ERC2: variants seen among roughly 807,000 people sequenced by gnomAD.
The protein encoded by ERC2 is ERC protein 2.
ERC2 carries 42 observed loss-of-function variants against 114.8 expected under a neutral mutation model. That is an observed-to-expected ratio of 0.37 (90% CI 0.29 to 0.47). ERC2 has a LOEUF of 0.47. ERC2 is among the 20% of genes least tolerant of loss of function. ERC2 has a pLI of 0.99. For missense variants in ERC2, 939 were observed against 1,150.7 expected, an observed-to-expected ratio of 0.82 and a Z score of 2.66; for synonymous variants, 454 against 425.5, an observed-to-expected ratio of 1.07 and a Z score of -0.82.
intron 3 of ERC2, among the ~76,000 whole-genome samples, chr3:56,219,999 T>C (rs2049791585): frequency 6.6e-6 from 1 of 152,166 alleles, no homozygotes; most frequent in African/African-American, 2.4e-5. Flanking sequence ...AAAAGCATAA[T>C]AAATTGGTTG....
intron 3 of ERC2, among the ~76,000 whole-genome samples, chr3:56,188,617 C>T (rs544201512): frequency 6.6e-6 from 1 of 152,288 alleles, no homozygotes; most frequent in African/African-American, 2.4e-5. Context: ...CATGGTCTTT[C>T]TTTTGCTGCA....
chr3:55,516,134 A>G (rs62251460), intron 17 of ERC2, among the ~76,000 whole-genome samples: 5,116 of 152,232 alleles, frequency 0.034, 134 homozygotes, highest in Middle Eastern at 0.1. Context: ...AGACTAATTA[A>G]CAACGGTTGG....
chr3:55,944,868 A>G (rs2067030027), intron 13 of ERC2, among the ~76,000 whole-genome samples: 1 of 152,208 alleles, frequency 6.6e-6, no homozygotes, highest in African/African-American at 2.4e-5. Context: ...CCTCAGTCCT[A>G]CTCGTCAACA....
intron 3 of ERC2, among the ~76,000 whole-genome samples, chr3:56,240,206 C>T (rs1325712799): frequency 6.6e-6 from 1 of 152,174 alleles, no homozygotes. Context: ...CCAGCTTCTT[C>T]ACCAGGCCAC....
At chr3:55,649,807 C>T (rs1293158272) in intron 17 of ERC2, among the ~76,000 whole-genome samples, 1 of 152,172 alleles carries the variant, frequency 6.6e-6, no homozygotes, top group East Asian at 1.9e-4. Flanking sequence ...GCTGACACTT[C>T]TGTCAAGCAG....
chr3:55,625,490 G>A (rs1482904237), intron 17 of ERC2, among the ~76,000 whole-genome samples: 2 of 151,760 alleles, frequency 1.3e-5, no homozygotes, highest in Admixed American at 6.6e-5. Flanking sequence ...GGTAGCTCAC[G>A]CCTGTAATCC....
chr3:55,637,335 A>G (rs891278796), intron 17 of ERC2, among the ~76,000 whole-genome samples: 2 of 152,218 alleles, frequency 1.3e-5, no homozygotes, highest in African/African-American at 2.4e-5. Context: ...ATGGAAAGGC[A>G]TGAACCAGAG....
chr3:55,601,174 T>C (rs2058385596), intron 17 of ERC2, among the ~76,000 whole-genome samples: 1 of 152,188 alleles, frequency 6.6e-6, no homozygotes, highest in South Asian at 2.1e-4. Context: ...TAGCTCGCTA[T>C]AACCAGATCA....
intron 14 of ERC2, among the ~76,000 whole-genome samples, chr3:55,765,519 C>T (rs1193755470): frequency 6.6e-6 from 1 of 152,180 alleles, no homozygotes; most frequent in African/African-American, 2.4e-5. Flanking sequence ...GCATGTGCAA[C>T]TATTGTTATG....
rs1392264787 is a variant in ERC2, at chr3:55,668,459, C to T, written c.*39+15335G>A. Among the ~76,000 whole-genome samples, 5 of 152,188 alleles carry T rather than the reference C, an allele frequency of 3.3e-5. No individual in the cohort carries two copies. The South Asian group carries it at 8.3e-4, about 25-fold the overall frequency. ...GTTACACATGGACAAAGGAAGCCTT[C>T]CTTAACGGTTGTGCTCCACTCCAGG... On this transcript the variant is annotated intron_variant, in intron 17 of 17. Transcript: ENST00000288221.
intron 14 of ERC2, among the ~76,000 whole-genome samples, chr3:55,836,436 C>T (rs902217823): frequency 6.6e-6 from 1 of 152,186 alleles, no homozygotes. Flanking sequence ...ACAGAACCCT[C>T]AGAAATAATG....
At chr3:55,997,323 C>A (rs1197833725) in intron 10 of ERC2, among the ~76,000 whole-genome samples, 2 of 151,896 alleles carry the variant, frequency 1.3e-5, no homozygotes, top group Non-Finnish European at 2.9e-5. Flanking sequence ...GGTTTAATGT[C>A]CATTGACAGC....
chr3:56,226,490 A>G (rs1262193857), intron 3 of ERC2, among the ~76,000 whole-genome samples: 1 of 152,124 alleles, frequency 6.6e-6, no homozygotes, highest in Non-Finnish European at 1.5e-5. Flanking sequence ...GGAGTTCAAA[A>G]CTGCAGTGTG....
intron 14 of ERC2, among the ~76,000 whole-genome samples, chr3:55,803,907 T>C (rs1453579094): frequency 6.6e-6 from 1 of 152,174 alleles, no homozygotes; most frequent in Non-Finnish European, 1.5e-5. Flanking sequence ...ATGCCTGCCA[T>C]AGTGACAGAC....
chr3:55,640,821 A>G (rs1383282939), intron 17 of ERC2, among the ~76,000 whole-genome samples: 2 of 152,170 alleles, frequency 1.3e-5, no homozygotes, highest in African/African-American at 4.8e-5. Flanking sequence ...TTGCCTGTTC[A>G]TTACTCAGTA....
intron 15 of ERC2, among the ~76,000 whole-genome samples, chr3:55,729,406 C>T (rs988851092): frequency 2.0e-5 from 3 of 152,170 alleles, no homozygotes; most frequent in Non-Finnish European, 4.4e-5. Flanking sequence ...CCTGTCTACC[C>T]TATTTTAAAT....
In ERC2 at chr3:55,697,041, A is replaced by G. The variant is rs2062969080; in HGVS notation, c.2847+2337T>C. 2.0e-5 allele frequency among the ~76,000 whole-genome samples: 3 copies of G among 152,208 alleles called. No homozygotes were observed. The South Asian group carries it at 6.2e-4, about 31-fold the overall frequency. Reference sequence around the variant, plus strand: ...CCTAATTAAGTTGGAGCTACCTTTTATCTGCCTTGTTCTGATTGACATGAA... The same window carrying G: ...CCTAATTAAGTTGGAGCTACCTTTTGTCTGCCTTGTTCTGATTGACATGAA... On this transcript the variant is annotated intron_variant, in intron 16 of 17. Coordinates refer to ENST00000288221, the MANE Select transcript of ERC2 (RefSeq NM_015576.3).
Position 55,767,603 on chromosome 3 carries a change from G to C in ERC2, c.2565-32685C>G, listed in dbSNP as rs576592169. Among the ~76,000 whole-genome samples the C allele has an allele frequency of 3.3e-5, 5 of 152,238 alleles. No homozygotes were observed. In the South Asian group the frequency reaches 1.0e-3, roughly 32 times the overall value. ...GACCTCTAAGAAGCCCGCCTAATCAGACATGCCCAGGTAGATCAAGACTCA... is the reference window on the plus strand; with the variant it reads ...GACCTCTAAGAAGCCCGCCTAATCACACATGCCCAGGTAGATCAAGACTCA... On this transcript the variant is annotated intron_variant, in intron 14 of 17. Transcript: ENST00000288221.
intron 6 of ERC2, among the ~76,000 whole-genome samples, chr3:56,104,111 C>T (rs1034788104): frequency 3.9e-5 from 6 of 152,054 alleles, no homozygotes; most frequent in African/African-American, 1.4e-4. Context: ...CCATCTTTGT[C>T]GCTATGACTT....
Sources: allele counts gnomAD v4.1 joint callset (sites outside exome capture counted in the v4.1 genomes callset), GRCh38; gene constraint gnomAD v4.1.1; transcripts MANE v1.5; gene names NCBI Gene and HGNC (gene_info 2026-07-23, HGNC 2026-07-21).